The following CSMD1 variants were observed in gnomAD, a reference collection of about 807,000 sequenced individuals.
CSMD1 encodes the protein CUB and Sushi multiple domains 1, also known as CUB and sushi domain-containing protein 1.
A neutral mutation model predicts 417.5 loss-of-function variants in CSMD1; 213 were observed. That is an observed-to-expected ratio of 0.51 (90% confidence interval 0.46 to 0.57). The LOEUF (loss-of-function observed/expected upper bound fraction) is 0.57, where lower values mean the gene tolerates loss of function less well. CSMD1 is among the 20% of genes least tolerant of loss of function. CSMD1 has a pLI of 0.00. For synonymous variants in CSMD1, 2,862 were observed against 1,736.8 expected (o/e 1.65, Z -16.11); for missense variants, 6,923 against 4,529.7 (o/e 1.53, Z -15.17).
Position 3,736,007 on chromosome 8 carries a change from G to T in CSMD1, c.931+17923C>A, listed in dbSNP as rs548845691. Reference sequence around the variant, plus strand: ...GGTTTTCAGTGGGAATAAGTGCGGTGGATTAAAAAAAATAGAGGGAATAGA... The same window carrying T: ...GGTTTTCAGTGGGAATAAGTGCGGTTGATTAAAAAAAATAGAGGGAATAGA... On this transcript the variant is annotated intron_variant, in intron 6 of 69. Coordinates refer to ENST00000635120, the MANE Select transcript of CSMD1 (RefSeq NM_033225.6). Among the ~76,000 whole-genome samples the T allele has an allele frequency of 1.3e-4, 20 of 151,430 alleles. No individual in the cohort carries two copies. In the South Asian group the frequency reaches 3.1e-3, roughly 24 times the overall value.
chr8:3,653,111 T>C (rs568140890), intron 7 of CSMD1, among the ~76,000 whole-genome samples: 3 of 152,264 alleles, frequency 2.0e-5, no homozygotes, highest in Admixed American at 6.5e-5. Flanking sequence ...TCCATGCATA[T>C]GCTTTATTAA....
intron 3 of CSMD1, among the ~76,000 whole-genome samples, chr8:4,364,003 T>C (rs1287853913): frequency 2.0e-5 from 3 of 152,310 alleles, no homozygotes; most frequent in Non-Finnish European, 2.9e-5. Flanking sequence ...TGACTGACTG[T>C]AGTCAATAAT....
chr8:3,926,413 T>C (rs533228068), intron 5 of CSMD1, among the ~76,000 whole-genome samples: 49 of 149,700 alleles, frequency 3.3e-4, no homozygotes, highest in African/African-American at 7.0e-4. Context: ...TTTGTTGAGA[T>C]ATTACCAGTA....
At position 3,998,073 on chromosome 8, in the gene CSMD1, G is replaced by T; in HGVS notation, c.648C>A (p.Ser216Arg). The change falls in exon 5 of 70, where the codon AGC becomes AGA. Residue 216 changes from serine (S) to arginine (R), a missense_variant. Coordinates refer to ENST00000635120, the MANE Select transcript of CSMD1 (RefSeq NM_033225.6). ...GGAAGTGCGGGCTGGAGATGGAGCT[G>T]CTGGTCCCGCGTAAGGTTCCTCCGC... is the stretch of plus-strand genomic sequence containing the variant. ...GACGGTLRGT[S>R]SSISSPHFPS... 2 of 1,588,030 alleles carry T rather than the reference G, an allele frequency of 1.3e-6. No individual in the cohort carries two copies. The highest frequency in any genetic ancestry group is 4.6e-5 in the East Asian group (2 of 43,704).
At chr8:4,391,571 C>G (rs1468874490) in intron 3 of CSMD1, among the ~76,000 whole-genome samples, 1 of 152,028 alleles carries the variant, frequency 6.6e-6, no homozygotes, top group Non-Finnish European at 1.5e-5. Flanking sequence ...TGGCCAGTGA[C>G]TTTCAGCTAC....
intron 3 of CSMD1, among the ~76,000 whole-genome samples, chr8:4,143,137 T>C (rs1461628390): frequency 6.6e-6 from 1 of 151,178 alleles, no homozygotes; most frequent in South Asian, 2.1e-4. Context: ...AATTAGCATT[T>C]CTAGAGAAAC....
chr8:3,421,119 A>G (rs184239710), intron 12 of CSMD1, among the ~76,000 whole-genome samples: 2 of 152,350 alleles, frequency 1.3e-5, no homozygotes, highest in East Asian at 3.9e-4. Context: ...GTATGAAAAA[A>G]TGAAAATTAC....
intron 1 of CSMD1, among the ~76,000 whole-genome samples, chr8:4,950,973 AAAACAAAAACAAAAAC>A (rs1316483129): frequency 9.5e-6 from 1 of 105,562 alleles, no homozygotes; most frequent in Non-Finnish European, 2.0e-5. Flanking sequence ...AAAAAAAACA[AAAACAAAAACAAAAAC>A]AAACAAACAA....
At chr8:3,879,980 G>A (rs976091816) in intron 5 of CSMD1, among the ~76,000 whole-genome samples, 4 of 152,004 alleles carry the variant, frequency 2.6e-5, no homozygotes, top group Non-Finnish European at 5.9e-5. Context: ...GTATTAAGAT[G>A]GACTGGTAAT....
intron 3 of CSMD1, among the ~76,000 whole-genome samples, chr8:4,089,976 C>G (rs548680936): frequency 6.6e-6 from 1 of 152,032 alleles, no homozygotes; most frequent in Admixed American, 6.6e-5. Flanking sequence ...GATAGAATGC[C>G]GCTATAATGG....
At chr8:4,656,769 C>T (rs892452548) in intron 1 of CSMD1, among the ~76,000 whole-genome samples, 4 of 151,920 alleles carry the variant, frequency 2.6e-5, no homozygotes, top group Non-Finnish European at 4.4e-5. Flanking sequence ...CAGTGGCAGA[C>T]GTGATCCTAG....
At chr8:3,607,855 T>C (rs547086861) in intron 8 of CSMD1, among the ~76,000 whole-genome samples, 3 of 152,050 alleles carry the variant, frequency 2.0e-5, no homozygotes, top group Non-Finnish European at 4.4e-5. Flanking sequence ...AGATGATACT[T>C]GAGGAAGAAC....
rs74446978 is a variant in CSMD1 at position 3,467,921 on chromosome 8, A to C, written c.1561+791T>G. On this transcript the variant is annotated intron_variant, in intron 12 of 69. Coordinates refer to ENST00000635120, the MANE Select transcript of CSMD1 (RefSeq NM_033225.6). Reference sequence around the variant, plus strand: ...ATACTGCCTATTTACTCAAATTCAAAAAGTAGAATAAAATACAGTTCCAAC... The same window carrying C: ...ATACTGCCTATTTACTCAAATTCAACAAGTAGAATAAAATACAGTTCCAAC... Among the ~76,000 whole-genome samples, 167 of 152,364 alleles carry C rather than the reference A, an allele frequency of 1.1e-3. 3 individuals are homozygous for C. The East Asian group carries it at 0.03, about 28-fold the overall frequency.
intron 3 of CSMD1, among the ~76,000 whole-genome samples, chr8:4,234,151 T>C (rs1231065966): frequency 6.6e-6 from 1 of 152,164 alleles, no homozygotes; most frequent in African/African-American, 2.4e-5. Context: ...TTCATAGGAC[T>C]GAGCACAGAT....
At chr8:4,170,005 G>T (rs1584950569) in intron 3 of CSMD1, among the ~76,000 whole-genome samples, 1 of 151,758 alleles carries the variant, frequency 6.6e-6, no homozygotes, top group African/African-American at 2.4e-5. Context: ...TAGAGCCTAA[G>T]AGATCGTAAA....
intron 2 of CSMD1, among the ~76,000 whole-genome samples, chr8:4,445,592 G>C (rs1798735392): frequency 6.6e-6 from 1 of 152,134 alleles, no homozygotes; most frequent in Non-Finnish European, 1.5e-5. Context: ...TGGTGTTTAA[G>C]AAAGAACTGT....
chr8:3,860,208 A>G lies in CSMD1; in HGVS notation c.819-106166T>C, dbSNP rs139680201. Among the ~76,000 whole-genome samples the G allele has an allele frequency of 1.5e-3, 226 of 152,278 alleles. 2 individuals carry two copies. Among genetic ancestry groups the G allele is most frequent in the Middle Eastern group, 6.8e-3 (2 of 294 alleles). The stretch of plus-strand genomic sequence containing the variant: ...TTGAGTGATTCATATGAAAGTAGGA[A>G]CAGCACCAGGTCGTGTTCTCCAACT... On this transcript the variant is annotated intron_variant, in intron 5 of 69. Transcript: ENST00000635120.
chr8:4,112,773 G>A (rs538093401), intron 3 of CSMD1, among the ~76,000 whole-genome samples: 1 of 152,102 alleles, frequency 6.6e-6, no homozygotes, highest in Non-Finnish European at 1.5e-5. Flanking sequence ...CCAGCTTATG[G>A]CTCCAAACGT....
At chr8:4,157,472 C>G (rs770754541) in intron 3 of CSMD1, among the ~76,000 whole-genome samples, 1 of 152,188 alleles carries the variant, frequency 6.6e-6, no homozygotes, top group Non-Finnish European at 1.5e-5. Context: ...TCACTTCCTT[C>G]CTTCCTTCCT....
Sources: gnomAD v4.1 joint callset for allele counts (sites outside exome capture counted in the v4.1 genomes callset) on GRCh38, gnomAD v4.1.1 for gene constraint, MANE v1.5 for transcripts, NCBI Gene and HGNC (gene_info 2026-07-23, HGNC 2026-07-21) for gene names.